Variants in PRAG1 observed in about 807,000 individuals in gnomAD.
The protein encoded by PRAG1 is inactive tyrosine-protein kinase PRAG1.
In PRAG1, 110 loss-of-function variants were observed where a neutral mutation model predicts 95.6. The observed-to-expected ratio is 1.15, with a 90% CI of 0.99 to 1.35. The LOEUF is 1.35. Ranked by LOEUF, PRAG1 falls within the 40% of genes most tolerant of loss-of-function variation. The pLI is 0.00. For synonymous variants in PRAG1, 1,052 were observed against 819.4 expected, an observed-to-expected ratio of 1.28 and a Z score of -4.85; for missense variants, 2,554 against 1,864.7, an observed-to-expected ratio of 1.37 and a Z score of -6.81.
At chr8:8,380,789 A>C (rs1258266113) in intron 2 of PRAG1, among the ~76,000 whole-genome samples, 2 of 140,578 alleles carry the variant, frequency 1.4e-5, no homozygotes, top group Admixed American at 1.5e-4. Flanking sequence ...GGAGTCAGAG[A>C]TTGCAGTGAG....
intron 1 of PRAG1, 53 bp from the exon 2 acceptor site, chr8:8,381,887 G>C: frequency 1.6e-6 from 1 of 630,910 alleles, no homozygotes; most frequent in Non-Finnish European, 2.7e-6. Context: ...CAGACAATGG[G>C]TGCATTATCA....
intron 3 of PRAG1, among the ~76,000 whole-genome samples, chr8:8,368,934 A>C (rs1201123518): frequency 2.0e-5 from 3 of 152,138 alleles, no homozygotes; most frequent in Non-Finnish European, 2.9e-5. Flanking sequence ...AAAAAAAAAA[A>C]AAAGCAGGGT....
chr8:8,343,701 A>G (rs1460168162), intron 3 of PRAG1, among the ~76,000 whole-genome samples: 1 of 152,236 alleles, frequency 6.6e-6, no homozygotes, highest in South Asian at 2.1e-4. Flanking sequence ...CTCGTGGACC[A>G]TAAGGGTTCT....
chr8:8,324,108 T>C (rs1001864605), intron 5 of PRAG1, among the ~76,000 whole-genome samples: 5 of 152,006 alleles, frequency 3.3e-5, no homozygotes, highest in Admixed American at 6.5e-5. Flanking sequence ...ATGGGGAAGG[T>C]TGCTATGGTG....
intron 4 of PRAG1, among the ~76,000 whole-genome samples, chr8:8,331,657 G>A (rs1798821555): frequency 6.6e-6 from 1 of 152,084 alleles, no homozygotes; most frequent in African/African-American, 2.4e-5. Context: ...CAACATAATC[G>A]GTAACACTTC....
At chr8:8,332,178 T>C (rs1798841305) in intron 4 of PRAG1, among the ~76,000 whole-genome samples, 1 of 142,608 alleles carries the variant, frequency 7.0e-6, no homozygotes, top group Non-Finnish European at 1.5e-5. Flanking sequence ...TTTTTTTTTT[T>C]TTGATGAAGT....
rs376844217 is a variant in PRAG1, at chr8:8,319,002, G to C, written c.3373C>G (p.Leu1125Val). Residue 1125 changes from leucine (L) to valine (V), a missense_variant, in exon 6 of 6, where the codon CTG becomes GTG. Leu to Val is a conservative substitution (Grantham distance 32). Transcript: ENST00000615670. The part of the protein sequence containing the change: ...PEAYERRVCF[L>V]LLQLCNGLEH... Reference sequence around the variant, plus strand: ...AGCCCGTTGCAGAGTTGCAGAAGCAGGAAGCACACGCGCCGCTCGTACGCC... The same window carrying C: ...AGCCCGTTGCAGAGTTGCAGAAGCACGAAGCACACGCGCCGCTCGTACGCC... The C allele has an allele frequency of 4.6e-5, 75 of 1,613,488 alleles. No homozygotes were observed. The highest frequency in any genetic ancestry group is 3.3e-4 in the Middle Eastern group (2 of 6,060).
At chr8:8,339,965 T>C (rs1799113677) in intron 3 of PRAG1, among the ~76,000 whole-genome samples, 2 of 152,148 alleles carry the variant, frequency 1.3e-5, no homozygotes, top group Non-Finnish European at 2.9e-5. Context: ...CTGTGTAAAA[T>C]CTCTACAAAG....
At chr8:8,366,456 T>C (rs968063847) in intron 3 of PRAG1, among the ~76,000 whole-genome samples, 2 of 151,854 alleles carry the variant, frequency 1.3e-5, no homozygotes, top group Admixed American at 6.6e-5. Context: ...TAAGATTACA[T>C]GCGTCTGCCA....
intron 3 of PRAG1, among the ~76,000 whole-genome samples, chr8:8,366,407 G>A (rs143376555): frequency 0.015 from 2,284 of 150,144 alleles, 45 homozygotes; most frequent in African/African-American, 0.053. Flanking sequence ...TCCAACTCCC[G>A]GGTTCAAGCA....
chr8:8,318,549 G>C lies in PRAG1; in HGVS notation c.3826C>G (p.Gln1276Glu). The C allele has an allele frequency of 6.2e-7, 1 of 1,613,632 alleles. No individual in the cohort carries two copies. The highest frequency in any genetic ancestry group is 8.5e-7 in the Non-Finnish European group (1 of 1,179,942). The change falls in exon 6 of 6, where the codon CAG becomes GAG. Residue 1276 changes from glutamine (Q) to glutamate (E), a missense_variant. By Grantham distance (29) the Gln-to-Glu change is conservative. Coordinates refer to ENST00000615670, the MANE Select transcript of PRAG1 (RefSeq NM_001080826.3). This position sits in a 1 kb window ranked among gnomAD's most constrained non-coding sequence, Gnocchi z 4.2. ...TGCCGGTAGTCTCTCTCCCGCAGCTGGGCGCGCACCTCGAACGGGTTGGGT... is the reference window on the plus strand; with the variant it reads ...TGCCGGTAGTCTCTCTCCCGCAGCTCGGCGCGCACCTCGAACGGGTTGGGT... ...HQPNPFEVRA[Q>E]LRERDYRQED...
chr8:8,329,263 C>T (rs983828780), intron 4 of PRAG1, among the ~76,000 whole-genome samples: 18 of 151,868 alleles, frequency 1.2e-4, no homozygotes, highest in South Asian at 4.2e-4. Context: ...GGTGGTGGTG[C>T]GTGCCTATAA....
In PRAG1 at chr8:8,328,416, T is replaced by G. The variant is rs751657674; in HGVS notation, c.2366A>C (p.Lys789Thr). ...AGGAAACGGAACGGGAGCAAAGAGC[T>G]TCTTCCCGCTGTTGGTGGGCGAGTG... is the stretch of plus-strand genomic sequence containing the variant. ...LAHSPTNSGK[K>T]LFAPVPFPSG... The change falls in exon 5 of 6, where the codon AAG becomes ACG. Residue 789 changes from lysine (K) to threonine (T), a missense_variant. Lys to Thr is a moderately conservative substitution (Grantham distance 78). Coordinates refer to ENST00000615670, the MANE Select transcript of PRAG1 (RefSeq NM_001080826.3). The G allele has an allele frequency of 1.5e-4, 247 of 1,613,592 alleles. 2 individuals carry two copies. In the East Asian group the frequency reaches 5.5e-3, roughly 36 times the overall value.
At chr8:8,329,782 G>A (rs1463292491) in intron 4 of PRAG1, among the ~76,000 whole-genome samples, 7 of 152,194 alleles carry the variant, frequency 4.6e-5, no homozygotes, top group Non-Finnish European at 1.5e-5. Flanking sequence ...TCAAGACTGG[G>A]TCTCTTTATT....
chr8:8,381,032 T>C (rs947061723), intron 2 of PRAG1, among the ~76,000 whole-genome samples: 1 of 152,138 alleles, frequency 6.6e-6, no homozygotes, highest in Non-Finnish European at 1.5e-5. Context: ...CAGGAGTTGA[T>C]GGTTGCTGAA....
At chr8:8,363,113 A>G (rs1040708808) in intron 3 of PRAG1, among the ~76,000 whole-genome samples, 1 of 149,182 alleles carries the variant, frequency 6.7e-6, no homozygotes, top group African/African-American at 2.4e-5. Context: ...ATATACTTAT[A>G]TATAATATAC....
chr8:8,334,889 C>A (rs1798938319), intron 4 of PRAG1, among the ~76,000 whole-genome samples: 1 of 151,814 alleles, frequency 6.6e-6, no homozygotes, highest in Admixed American at 6.6e-5. Flanking sequence ...TTGAGACCAG[C>A]CTGGCCAACA....
chr8:8,326,582 T>C (rs185192703), intron 5 of PRAG1, among the ~76,000 whole-genome samples: 1 of 152,248 alleles, frequency 6.6e-6, no homozygotes, highest in East Asian at 1.9e-4. Context: ...GTGGCCCAAA[T>C]GGGTGCAGAT....
chr8:8,342,548 C>A (rs374159801), intron 3 of PRAG1, among the ~76,000 whole-genome samples: 11 of 152,092 alleles, frequency 7.2e-5, no homozygotes, highest in South Asian at 2.1e-4. Flanking sequence ...TGAAAGATTG[C>A]GAAAACTACC....
Sources: gnomAD v4.1 joint callset for allele counts (sites outside exome capture counted in the v4.1 genomes callset) on GRCh38, gnomAD v4.1.1 for gene constraint, Gnocchi (gnomAD v3.1) non-coding constraint, MANE v1.5 for transcripts, NCBI Gene and HGNC (gene_info 2026-07-23, HGNC 2026-07-21) for gene names.